Variants in PTCD2 observed in about 807,000 individuals in gnomAD.
PTCD2 encodes the protein pentatricopeptide repeat domain 2, also known as pentatricopeptide repeat-containing protein 2, mitochondrial.
In PTCD2, 31 loss-of-function variants were observed where a neutral mutation model predicts 42.6. The observed-to-expected ratio is 0.73, with a 90% CI of 0.55 to 0.98. The LOEUF (loss-of-function observed/expected upper bound fraction) is 0.98, where lower values mean the gene tolerates loss of function less well. Among genes scored for constraint, PTCD2 ranks in the 50% least tolerant of loss-of-function variants. PTCD2 has a pLI of 0.00. For synonymous variants in PTCD2, 183 were observed against 170.9 expected (o/e 1.07, Z -0.55); for missense variants, 476 against 454.8 (o/e 1.05, Z -0.42).
rs1241170372 is a variant in PTCD2 at position 72,322,352 on chromosome 5, C to G, written c.220+88C>G. 5.1e-6 allele frequency: 4 copies of G among 789,530 alleles called. No homozygotes were observed. In the African/African-American group the frequency reaches 7.0e-5, roughly 14 times the overall value. 48.9% of individuals were successfully genotyped at this position (789,530 alleles called of 1,614,324 possible). On this transcript the variant is annotated intron_variant, in intron 2 of 9. Transcript: ENST00000380639. Reference sequence around the variant, plus strand: ...CCCTATTCAGTGTCTCCTTCAGTGACTTTATTATGCCTTAGAAAAAGTTGA... The same window carrying G: ...CCCTATTCAGTGTCTCCTTCAGTGAGTTTATTATGCCTTAGAAAAAGTTGA...
chr5:72,332,329 A>C (rs1378518627), intron 4 of PTCD2, among the ~76,000 whole-genome samples: 7 of 152,182 alleles, frequency 4.6e-5, no homozygotes. Context: ...AAGCAGAGAA[A>C]AGGTTGTTTC....
intron 5 of PTCD2, 59 bp downstream of exon 5, chr5:72,335,155 T>C: frequency 2.1e-6 from 2 of 968,678 alleles, no homozygotes; most frequent in Non-Finnish European, 3.3e-6. Context: ...GCATAGGAAC[T>C]AGGGGGAAAA....
chr5:72,332,884 T>C (rs1751515027), intron 4 of PTCD2, among the ~76,000 whole-genome samples: 2 of 152,228 alleles, frequency 1.3e-5, no homozygotes, highest in Admixed American at 1.3e-4. Context: ...GGATTTTAAT[T>C]ACTTGTTATA....
rs1209287596 is a variant in PTCD2, at chr5:72,352,474, A to G, written c.829-167A>G. Among the ~76,000 whole-genome samples, 4 of 152,186 alleles carry G rather than the reference A, an allele frequency of 2.6e-5. No individual in the cohort carries two copies. The East Asian group carries it at 7.7e-4, about 29-fold the overall frequency. On this transcript the variant is annotated intron_variant, in intron 8 of 9. Coordinates refer to ENST00000380639, the MANE Select transcript of PTCD2 (RefSeq NM_024754.5). ...ATTGGAAAGCACATTTTGGCTCGTA[A>G]GTGTACATTTAAAGCACGTTTTTGA...
At chr5:72,338,353 A>T (rs1211737624) in intron 6 of PTCD2, among the ~76,000 whole-genome samples, 1 of 152,220 alleles carries the variant, frequency 6.6e-6, no homozygotes, top group African/African-American at 2.4e-5. Flanking sequence ...AGATACAAAG[A>T]CATGTGTATG....
At position 72,320,437 on chromosome 5, in the gene PTCD2, C is replaced by A. The variant is rs779856513; in HGVS notation, c.55C>A (p.Gln19Lys). 9 of 1,614,020 alleles carry A rather than the reference C, an allele frequency of 5.6e-6. No individual in the cohort carries two copies. The South Asian group carries it at 9.9e-5, about 18-fold the overall frequency. ...AFRPSNRVLLQALQILVYPGV... is the reference protein window; with the variant it reads ...AFRPSNRVLLKALQILVYPGV... ...TCGGCCCTCGAATCGAGTTCTCCTGCAGGCGCTGCAGATTTTGGTGTATCC... is the reference window on the plus strand; with the variant it reads ...TCGGCCCTCGAATCGAGTTCTCCTGAAGGCGCTGCAGATTTTGGTGTATCC... Residue 19 changes from glutamine (Q) to lysine (K), a missense_variant, in exon 1 of 10, where the codon CAG becomes AAG. Transcript: ENST00000380639.
At chr5:72,333,165 C>G (rs1159170623) in intron 4 of PTCD2, among the ~76,000 whole-genome samples, 1 of 152,126 alleles carries the variant, frequency 6.6e-6, no homozygotes, top group Non-Finnish European at 1.5e-5. Flanking sequence ...GTGCCATCTC[C>G]CCTTTCTCCC....
intron 9 of PTCD2, among the ~76,000 whole-genome samples, 165 bp from the exon 10 acceptor site, chr5:72,358,038 A>AGTCCTCCT (rs993779719): frequency 2.4e-4 from 37 of 152,168 alleles, no homozygotes; most frequent in African/African-American, 8.7e-4. Flanking sequence ...GTGCTCAAGC[A>AGTCCTCCT]GTCCTCCTGT....
At chr5:72,326,496 C>G in intron 2 of PTCD2, 116 bp from the exon 3 acceptor site, 1 of 1,047,050 alleles carries the variant, frequency 9.6e-7, no homozygotes, top group South Asian at 1.5e-5. Flanking sequence ...TTTCTGAACC[C>G]CTCTCAGTGC....
rs1054698496 is a variant in PTCD2 at position 72,365,748 on chromosome 5, C to T, written c.*7321C>T. On this transcript the variant is annotated 3_prime_UTR_variant, in exon 10 of 10. Transcript: ENST00000380639. ...TGAGGCTTTGGCCTAAAAAGCTTGT[C>T]ATTATATAAAAAAGCTATAGAGAGC... The T allele has an allele frequency of 2.0e-5, 3 of 152,126 alleles. No individual in the cohort carries two copies. Among genetic ancestry groups the T allele is most frequent in the Admixed American group, 6.5e-5 (1 of 15,286 alleles). 9.4% of individuals were successfully genotyped at this position (152,126 alleles called of 1,614,324 possible). A position where few individuals can be genotyped will look rare whatever the true frequency, so the allele number is the denominator to read the frequency against.
intron 8 of PTCD2, among the ~76,000 whole-genome samples, chr5:72,347,762 C>A (rs1436043478): frequency 6.6e-6 from 1 of 151,726 alleles, no homozygotes; most frequent in Non-Finnish European, 1.5e-5. Flanking sequence ...TTTGGTGGAG[C>A]TAAACATGAG....
rs562916286 is a variant in PTCD2, at chr5:72,325,948, C to A, written c.221-664C>A. ...TACAAAGACAAGGGAGAATGATAGACTGTGATGACACTGAAATGATTCTGT... is the reference window on the plus strand; with the variant it reads ...TACAAAGACAAGGGAGAATGATAGAATGTGATGACACTGAAATGATTCTGT... On this transcript the variant is annotated intron_variant, in intron 2 of 9. Transcript: ENST00000380639. Among the ~76,000 whole-genome samples, 490 of 152,306 alleles carry A rather than the reference C, an allele frequency of 3.2e-3. 3 individuals carry two copies. Among genetic ancestry groups the A allele is most frequent in the Non-Finnish European group, 3.5e-3 (241 of 68,034 alleles).
intron 2 of PTCD2, among the ~76,000 whole-genome samples, chr5:72,324,911 G>T (rs1751056613): frequency 6.6e-6 from 1 of 151,768 alleles, no homozygotes; most frequent in East Asian, 1.9e-4. Context: ...TGAAATACTG[G>T]ATTCTTAAGG....
At chr5:72,331,876 C>T (rs1751457429) in intron 4 of PTCD2, among the ~76,000 whole-genome samples, 1 of 152,132 alleles carries the variant, frequency 6.6e-6, no homozygotes, top group South Asian at 2.1e-4. Flanking sequence ...TTTACTATGT[C>T]TTCAGCATTG....
chr5:72,335,187 C>A, intron 5 of PTCD2, 91 bp downstream of exon 5: 1 of 717,240 alleles, frequency 1.4e-6, no homozygotes, highest in South Asian at 1.6e-5. Context: ...AAAAATGATT[C>A]TTCTGTAATC....
At chr5:72,346,550 C>T (rs58719534) in intron 8 of PTCD2, among the ~76,000 whole-genome samples, 2,494 of 152,248 alleles carry the variant, frequency 0.016, 73 homozygotes, top group African/African-American at 0.055. Context: ...GCCTGAAAAG[C>T]TCACACGCTA....
intron 4 of PTCD2, among the ~76,000 whole-genome samples, chr5:72,334,717 A>AT (rs1166304325): frequency 5.3e-5 from 8 of 151,910 alleles, no homozygotes; most frequent in Admixed American, 3.3e-4. Context: ...TGCCCAGCTA[A>AT]TTTTTGTATT....
intron 3 of PTCD2, among the ~76,000 whole-genome samples, chr5:72,327,359 G>A (rs192012507): frequency 6.6e-6 from 1 of 152,338 alleles, no homozygotes; most frequent in East Asian, 1.9e-4. Context: ...AGCATAGCCT[G>A]CCACTGGGAA....
At chr5:72,353,686 G>A (rs1180376729) in intron 9 of PTCD2, among the ~76,000 whole-genome samples, 1 of 152,088 alleles carries the variant, frequency 6.6e-6, no homozygotes, top group East Asian at 1.9e-4. Context: ...AGAAAGTCCG[G>A]ATACAGACCA....
Sources: allele counts gnomAD v4.1 joint callset (sites outside exome capture counted in the v4.1 genomes callset), GRCh38; gene constraint gnomAD v4.1.1; transcripts MANE v1.5; gene names NCBI Gene and HGNC (gene_info 2026-07-23, HGNC 2026-07-21).